Variants in TCHP observed in about 807,000 individuals in gnomAD.
TCHP encodes trichoplein keratin filament-binding protein.
TCHP carries 81 observed loss-of-function variants against 88.7 expected under a neutral mutation model. The ratio of observed to expected loss-of-function variants is 0.91; its 90% CI spans 0.76 to 1.10. The LOEUF is 1.10. Ranked by LOEUF, TCHP falls within the 50% of genes least tolerant of loss-of-function variation. The probability of loss-of-function intolerance (pLI) is 0.00; values close to 1 mark genes in which losing one functional copy is unlikely to be tolerated. For missense variants in TCHP, 641 were observed against 632.1 expected (o/e 1.01, Z -0.15); for synonymous variants, 232 against 232.5 (o/e 1.00, Z 0.02).
the TCHP span, among the ~76,000 whole-genome samples, chr12:109,889,022 C>T: frequency 1.3e-5 from 2 of 149,776 alleles, no homozygotes; most frequent in East Asian, 3.9e-4. Flanking sequence ...ATAGCAAGGT[C>T]CTGTCACCAA....
the TCHP span, among the ~76,000 whole-genome samples, chr12:109,887,460 C>T: frequency 6.6e-6 from 1 of 151,406 alleles, no homozygotes; most frequent in African/African-American, 2.4e-5. Flanking sequence ...CTGATAGATC[C>T]AATTCTAATT....
chr12:109,915,073 G>A (rs546626012), intron 11 of TCHP: 6 of 471,544 alleles, frequency 1.3e-5, no homozygotes, highest in African/African-American at 1.2e-4. Flanking sequence ...TACATGCCAT[G>A]CATACAGCCT....
chr12:109,905,336 G>A lies in TCHP; in HGVS notation c.456+543G>A, dbSNP rs1433572588. ...GGCTAGGATGTCAGATAGTGAGGGA[G>A]AACCCCAAGAAATGACGCTGGCGAG... On this transcript the variant is annotated intron_variant, in intron 4 of 12. Coordinates refer to ENST00000405876, the MANE Select transcript of TCHP (RefSeq NM_001143852.2). This position sits in a 1 kb window ranked among gnomAD's most constrained non-coding sequence, Gnocchi z 4.0. Among the ~76,000 whole-genome samples, 1 of 152,214 alleles carries A rather than the reference G, an allele frequency of 6.6e-6. No individual in the cohort carries two copies. Among genetic ancestry groups the A allele is most frequent in the African/African-American group, 2.4e-5 (1 of 41,460 alleles).
At chr12:109,912,887 G>A (rs1870584216) in intron 9 of TCHP, 104 bp from the exon 10 acceptor site, 2 of 826,898 alleles carry the variant, frequency 2.4e-6, no homozygotes, top group Admixed American at 3.8e-5. Context: ...TATCTGCAGT[G>A]TGGTCCTGCA....
chr12:109,915,176 G>A (rs1041154235), intron 11 of TCHP: 2 of 609,998 alleles, frequency 3.3e-6, no homozygotes, highest in Non-Finnish European at 5.7e-6. Flanking sequence ...AGCTTTCCAC[G>A]AGGTAAGCGC....
At chr12:109,910,241 GAC>G (rs1210246946) in intron 8 of TCHP, among the ~76,000 whole-genome samples, 1 of 152,230 alleles carries the variant, frequency 6.6e-6, no homozygotes, top group Admixed American at 6.5e-5. Context: ...AAGTGAGGGA[GAC>G]AGACCTAAGC....
chr12:109,886,201 G>A, the TCHP span, among the ~76,000 whole-genome samples: 5 of 151,562 alleles, frequency 3.3e-5, no homozygotes, highest in East Asian at 2.0e-4. Flanking sequence ...GCAATGGTGC[G>A]ATCTCGGCTC....
At chr12:109,882,186 G>A in the TCHP span, among the ~76,000 whole-genome samples, 1 of 152,166 alleles carries the variant, frequency 6.6e-6, no homozygotes, top group Non-Finnish European at 1.5e-5. Flanking sequence ...TATTTGAGCT[G>A]AGACCTAGAG....
intron 4 of TCHP, 129 bp downstream of exon 4, chr12:109,904,922 G>A: frequency 1.3e-6 from 1 of 767,646 alleles, no homozygotes; most frequent in Non-Finnish European, 2.1e-6. Flanking sequence ...CCTGAAAAGA[G>A]CGCCAGGCAG....
rs938480916 is a variant in TCHP at position 109,917,499 on chromosome 12, G to C, written c.*876G>C. ...CACCTGGTTGGCTAACCTTTTAAAG[G>C]CAGGGGCGTGACACGTAGGACACAT... is the stretch of plus-strand genomic sequence containing the variant. On this transcript the variant is annotated 3_prime_UTR_variant, in exon 13 of 13. Coordinates refer to ENST00000405876, the MANE Select transcript of TCHP (RefSeq NM_001143852.2). 6.6e-6 allele frequency: 1 copy of C among 152,148 alleles called. No homozygotes were observed. The highest frequency in any genetic ancestry group is 1.5e-5 in the Non-Finnish European group (1 of 68,030). The allele number at this position is 152,148 out of a possible 1,614,324, so 9.4% of individuals were successfully genotyped here.
At chr12:109,885,891 C>T in the TCHP span, among the ~76,000 whole-genome samples, 1 of 152,050 alleles carries the variant, frequency 6.6e-6, no homozygotes, top group African/African-American at 2.4e-5. Flanking sequence ...AATCTTCCCA[C>T]CTCAGCCTCC....
At chr12:109,890,023 A>C in the TCHP span, among the ~76,000 whole-genome samples, 1 of 152,222 alleles carries the variant, frequency 6.6e-6, no homozygotes, top group South Asian at 2.1e-4. Context: ...GGATACAGCC[A>C]AGTTTTGGAC....
At chr12:109,906,551 T>A in intron 4 of TCHP, 21 bp from the exon 5 acceptor site, 1 of 1,612,232 alleles carries the variant, frequency 6.2e-7, no homozygotes, top group Non-Finnish European at 8.5e-7. Context: ...GAAATTCACA[T>A]CGTCCCCCTT....
chr12:109,908,880 G>T lies in TCHP; in HGVS notation c.822G>T (p.Leu274Phe). The part of the protein sequence containing the change: ...FRQKAELGRF[L>F]RHQYNAQLSR... ...TTTGATTCTCCTTCAGGCGTTTCTT[G>T]AGACATCAGTATAACGCTCAACTCA... Residue 274 changes from leucine to phenylalanine, a missense_variant, in exon 8 of 13, where the codon TTG becomes TTT. By Grantham distance (22) the Leu-to-Phe change is conservative. Coordinates refer to ENST00000405876, the MANE Select transcript of TCHP (RefSeq NM_001143852.2). 1 of 1,614,238 alleles carries T rather than the reference G, an allele frequency of 6.2e-7. No homozygotes were observed. The highest frequency in any genetic ancestry group is 8.5e-7 in the Non-Finnish European group (1 of 1,180,040).
At chr12:109,886,439 A>G in the TCHP span, among the ~76,000 whole-genome samples, 8,474 of 152,056 alleles carry the variant, frequency 0.056, 376 homozygotes, top group African/African-American at 0.12. Context: ...TGCCCGGCCT[A>G]TTATTATTTA....
In TCHP at chr12:109,904,780, C is replaced by T. The variant is rs757953616; in HGVS notation, c.443C>T (p.Pro148Leu). 8.7e-6 allele frequency: 14 copies of T among 1,613,058 alleles called. No individual in the cohort carries two copies. Among genetic ancestry groups the T allele is most frequent in the Middle Eastern group, 1.6e-4 (1 of 6,080 alleles). Residue 148 changes from proline to leucine, a missense_variant, in exon 4 of 13, where the codon CCG becomes CTG. Physicochemically the swap from Pro to Leu is moderately conservative, Grantham distance 98. Coordinates refer to ENST00000405876, the MANE Select transcript of TCHP (RefSeq NM_001143852.2). Reference sequence around the variant, plus strand: ...TACGAACACTGGAAAAAGAACAACCCGAAACTTCGAGAGGTGAAAATCAGA... The same window carrying T: ...TACGAACACTGGAAAAAGAACAACCTGAAACTTCGAGAGGTGAAAATCAGA... ...LLYEHWKKNN[P>L]KLREMELDLH...
At chr12:109,906,534 T>G (rs2271318) in intron 4 of TCHP, 38 bp from the exon 5 acceptor site, 2 of 1,604,074 alleles carry the variant, frequency 1.2e-6, no homozygotes, top group African/African-American at 1.3e-5. Flanking sequence ...CCCATCTGTC[T>G]GGTGAGGAAA....
the TCHP span, among the ~76,000 whole-genome samples, chr12:109,891,729 A>C: frequency 6.6e-6 from 1 of 150,610 alleles, no homozygotes; most frequent in Non-Finnish European, 1.5e-5. Flanking sequence ...TTTGAGACGA[A>C]GTTTTGCTCT....
At position 109,915,436 on chromosome 12, in the gene TCHP, G is replaced by A. The variant is rs1441185959; in HGVS notation, c.1354G>A (p.Asp452Asn). Residue 452 changes from aspartate to asparagine, a missense_variant, in exon 12 of 13, where the codon GAC (aspartate) becomes AAC (asparagine). Transcript: ENST00000405876. Reference sequence around the variant, plus strand: ...GCGCCGGCTGCAGGCATGGGAAGCAGACCAGCAGGAGGAGGAGGAAGAGGA... The same window carrying A: ...GCGCCGGCTGCAGGCATGGGAAGCAAACCAGCAGGAGGAGGAGGAAGAGGA... ...AERRLQAWEA[D>N]QQEEEEEEEA... is the part of the protein sequence containing the mutation. 5.6e-6 allele frequency: 9 copies of A among 1,614,200 alleles called. No homozygotes were observed. Among genetic ancestry groups the A allele is most frequent in the Non-Finnish European group, 6.8e-6 (8 of 1,180,040 alleles).
Sources: allele counts gnomAD v4.1 joint callset (sites outside exome capture counted in the v4.1 genomes callset), GRCh38; gene constraint gnomAD v4.1.1; non-coding constraint Gnocchi (gnomAD v3.1); transcripts MANE v1.5; gene names NCBI Gene and HGNC (gene_info 2026-07-23, HGNC 2026-07-21).